The following EIF3H variants were observed in gnomAD, a reference collection of about 807,000 sequenced individuals.
The protein encoded by EIF3H is eIF-3-gamma.
Under a neutral mutation model 44.2 loss-of-function variants are expected in EIF3H, and 26 were observed. The observed-to-expected ratio is 0.59, with a 90% CI of 0.43 to 0.82. EIF3H has a LOEUF of 0.82. Ranked by LOEUF, EIF3H falls within the 40% of genes least tolerant of loss-of-function variation. The pLI is 0.00. For missense variants in EIF3H, 359 were observed against 432.8 expected (o/e 0.83, Z 1.51); for synonymous variants, 166 against 151.9 (o/e 1.09, Z -0.68).
intron 2 of EIF3H, among the ~76,000 whole-genome samples, chr8:116,667,452 T>A (rs1243949839): frequency 7.8e-6 from 1 of 128,866 alleles, no homozygotes; most frequent in African/African-American, 3.0e-5. Context: ...GAAAACTGTT[T>A]GTACAACTTC....
chr8:116,686,375 A>G (rs1316079753), intron 2 of EIF3H, among the ~76,000 whole-genome samples: 11 of 152,162 alleles, frequency 7.2e-5, no homozygotes, highest in Non-Finnish European at 1.3e-4. Flanking sequence ...CTACCTACTT[A>G]TCAGAAAGAA....
rs185659672 is a variant in EIF3H at position 116,657,327 on chromosome 8, A to G, written c.458-13T>C. 6 of 1,594,072 alleles carry G rather than the reference A, an allele frequency of 3.8e-6. No individual in the cohort carries two copies. The East Asian group carries it at 1.3e-4, about 36-fold the overall frequency. On this transcript the variant is annotated splice_polypyrimidine_tract_variant and intron_variant, in intron 3 of 7. Transcript: ENST00000521861. Reference sequence around the variant, plus strand: ...GTTTTTATGGGATCTCAAACAAGGAAAGAGAAATAAATTACTAAGAATTTT... The same window carrying G: ...GTTTTTATGGGATCTCAAACAAGGAGAGAGAAATAAATTACTAAGAATTTT...
chr8:116,677,660 G>GT (rs1813871818), intron 2 of EIF3H, among the ~76,000 whole-genome samples: 1 of 152,136 alleles, frequency 6.6e-6, no homozygotes, highest in South Asian at 2.1e-4. Context: ...CATACTGCAC[G>GT]TAAGGTAGGT....
chr8:116,743,401 T>C (rs1404985870), intron 1 of EIF3H, among the ~76,000 whole-genome samples: 1 of 151,916 alleles, frequency 6.6e-6, no homozygotes, highest in Non-Finnish European at 1.5e-5. Context: ...TGGTGAGCCA[T>C]GACTGCACCA....
chr8:116,735,842 G>A (rs1189716784), intron 1 of EIF3H, among the ~76,000 whole-genome samples: 7 of 152,156 alleles, frequency 4.6e-5, no homozygotes, highest in Non-Finnish European at 8.8e-5. Flanking sequence ...AGGCTGGGAG[G>A]GTCTTTTTTC....
intron 1 of EIF3H, among the ~76,000 whole-genome samples, chr8:116,763,085 ATTATG>A (rs1262997768): frequency 1.3e-5 from 2 of 152,384 alleles, no homozygotes; most frequent in East Asian, 3.9e-4. Flanking sequence ...TGTCATATCT[ATTATG>A]TTATATTTGG....
At chr8:116,724,247 T>G (rs1429243484) in intron 2 of EIF3H, among the ~76,000 whole-genome samples, 4 of 152,154 alleles carry the variant, frequency 2.6e-5, no homozygotes, top group African/African-American at 9.7e-5. Flanking sequence ...GAAAACTGGA[T>G]ATCCACATGC....
At chr8:116,660,043 C>T (rs1490937811) in intron 2 of EIF3H, among the ~76,000 whole-genome samples, 4 of 151,984 alleles carry the variant, frequency 2.6e-5, no homozygotes, top group African/African-American at 4.8e-5. Context: ...TGAACCACCG[C>T]ACCCGGCTAA....
intron 1 of EIF3H, among the ~76,000 whole-genome samples, chr8:116,736,516 G>C (rs1815043055): frequency 6.6e-6 from 1 of 152,142 alleles, no homozygotes; most frequent in African/African-American, 2.4e-5. Context: ...AAAAAAATTA[G>C]CTGGGCGTGG....
chr8:116,722,543 T>C (rs1005905231), intron 2 of EIF3H, among the ~76,000 whole-genome samples: 1 of 152,234 alleles, frequency 6.6e-6, no homozygotes, highest in Non-Finnish European at 1.5e-5. Flanking sequence ...TTCTCATGCA[T>C]GTTTATACTC....
chr8:116,649,460 A>G (rs1377185209), intron 5 of EIF3H, among the ~76,000 whole-genome samples: 1 of 152,152 alleles, frequency 6.6e-6, no homozygotes, highest in African/African-American at 2.4e-5. Context: ...ACAGTCTTTC[A>G]TATTTCTTAT....
intron 1 of EIF3H, among the ~76,000 whole-genome samples, chr8:116,753,864 C>G (rs1275792958): frequency 6.6e-6 from 1 of 152,194 alleles, no homozygotes; most frequent in Non-Finnish European, 1.5e-5. Context: ...TTGCCTTTTT[C>G]AACTCTGGAA....
intron 2 of EIF3H, among the ~76,000 whole-genome samples, chr8:116,673,275 G>T (rs1485110062): frequency 1.3e-5 from 2 of 152,086 alleles, no homozygotes; most frequent in Non-Finnish European, 2.9e-5. Flanking sequence ...CCAAAATTAA[G>T]ACTCCACCCT....
intron 2 of EIF3H, among the ~76,000 whole-genome samples, chr8:116,699,722 T>A (rs78660318): frequency 0.052 from 7,911 of 152,226 alleles, 687 homozygotes; most frequent in African/African-American, 0.18. Flanking sequence ...AATAAATACA[T>A]ATAAATGAAT....
chr8:116,737,269 C>T (rs1815057805), intron 1 of EIF3H: 1 of 448,616 alleles, frequency 2.2e-6, no homozygotes, highest in Non-Finnish European at 4.4e-6. Context: ...TTTCTATCTA[C>T]GTACTTGAAG....
At chr8:116,697,191 T>C (rs1300434146) in intron 2 of EIF3H, 2 of 456,116 alleles carry the variant, frequency 4.4e-6, no homozygotes, top group Non-Finnish European at 8.8e-6. Flanking sequence ...TGTGTGCTTG[T>C]CCCTTTTTCC....
At chr8:116,645,994 A>T (rs1012604345) in intron 7 of EIF3H, among the ~76,000 whole-genome samples, 3 of 152,236 alleles carry the variant, frequency 2.0e-5, no homozygotes, top group African/African-American at 7.2e-5. Context: ...TCTCCTGCTT[A>T]AAGGTGGTAT....
At chr8:116,689,239 G>T (rs1305309441) in intron 2 of EIF3H, 1 of 305,130 alleles carries the variant, frequency 3.3e-6, no homozygotes, top group Non-Finnish European at 6.8e-6. Context: ...AACTCATAAA[G>T]ACAGAATGTA....
chr8:116,699,272 T>C (rs1814328424), intron 2 of EIF3H, among the ~76,000 whole-genome samples: 1 of 152,210 alleles, frequency 6.6e-6, no homozygotes, highest in Non-Finnish European at 1.5e-5. Context: ...AAAATACTGA[T>C]ATCATGACAT....
Sources: gnomAD v4.1 joint callset for allele counts (sites outside exome capture counted in the v4.1 genomes callset) on GRCh38, gnomAD v4.1.1 for gene constraint, MANE v1.5 for transcripts, NCBI Gene and HGNC (gene_info 2026-07-23, HGNC 2026-07-21) for gene names.